The following RNGTT variants were observed in gnomAD, a reference collection of about 807,000 sequenced individuals.
RNGTT encodes the protein mRNA-capping enzyme.
RNGTT carries 33 observed loss-of-function variants against 79.3 expected under a neutral mutation model. That is an observed-to-expected ratio of 0.42 (90% CI 0.32 to 0.56). The LOEUF is 0.56. RNGTT is among the 20% of genes least tolerant of loss of function. The pLI, the probability that RNGTT is intolerant of heterozygous loss-of-function variation, is 0.17. For synonymous variants in RNGTT, 222 were observed against 235.9 expected, an observed-to-expected ratio of 0.94 and a Z score of 0.54; for missense variants, 497 against 739.1, an observed-to-expected ratio of 0.67 and a Z score of 3.80.
Position 88,879,262 on chromosome 6 carries a change from C to A in RNGTT, c.896+11233G>T, listed in dbSNP as rs1782618926. Among the ~76,000 whole-genome samples the A allele has an allele frequency of 2.6e-5, 4 of 152,102 alleles. No homozygotes were observed. The South Asian group carries it at 8.3e-4, about 31-fold the overall frequency. ...TGCAAAAAATAGACAGGTGTGGTGG[C>A]ATGCGCCTGTAGTCCCAGCTACTCA... On this transcript the variant is annotated intron_variant, in intron 8 of 15. Coordinates refer to ENST00000369485, the MANE Select transcript of RNGTT (RefSeq NM_003800.5).
At chr6:88,868,958 AAC>A (rs992091530) in intron 8 of RNGTT, among the ~76,000 whole-genome samples, 8 of 152,332 alleles carry the variant, frequency 5.3e-5, no homozygotes, top group Admixed American at 5.2e-4. Context: ...ATTTACTTTT[AAC>A]ACAGGCATTA....
In RNGTT at chr6:88,891,829, A is replaced by G; in HGVS notation, c.771T>C (p.Cys257=). ...ACCCTTCCCAGCCACAGAATTGATG[A>G]CACTTCTGCTGTACCTCTCCTAACT... ...QPKLGEVQQK[C]HQFCGWEGSG... is the part of the protein sequence containing the mutation. Residue 257 remains cysteine, a synonymous_variant, in exon 7 of 16, where the codon TGT becomes TGC. Coordinates refer to ENST00000369485, the MANE Select transcript of RNGTT (RefSeq NM_003800.5). The G allele has an allele frequency of 2.5e-6, 4 of 1,588,374 alleles. No homozygotes were observed. The highest frequency in any genetic ancestry group is 3.4e-6 in the Non-Finnish European group (4 of 1,167,958).
intron 6 of RNGTT, among the ~76,000 whole-genome samples, chr6:88,902,405 T>A (rs960882235): frequency 2.0e-5 from 3 of 151,920 alleles, no homozygotes; most frequent in African/African-American, 4.8e-5. Context: ...TTGAAGACTA[T>A]CCCTGCCAAA....
chr6:88,905,098 G>C lies in RNGTT; in HGVS notation c.444-143C>G, dbSNP rs988777209. On this transcript the variant is annotated intron_variant, in intron 5 of 15. Transcript: ENST00000369485. ...GGCAAATCACAATCCTCACCCTCAA[G>C]TCATTCAATCTATTAAGGGACACAT... is the stretch of plus-strand genomic sequence containing the variant. 3.1e-5 allele frequency: 31 copies of C among 996,948 alleles called. 1 individual carries two copies. In the South Asian group the frequency reaches 4.7e-4, roughly 15 times the overall value. 61.8% of individuals were successfully genotyped at this position (996,948 alleles called of 1,614,324 possible). A position where few individuals can be genotyped will look rare whatever the true frequency, so the allele number is the denominator to read the frequency against.
At chr6:88,960,603 A>AAAAAAGG (rs1423651951) in intron 1 of RNGTT, among the ~76,000 whole-genome samples, 1 of 151,692 alleles carries the variant, frequency 6.6e-6, no homozygotes, top group Non-Finnish European at 1.5e-5. Context: ...AAAGAAAAGA[A>AAAAAAGG]AAAAAGGAAA....
intron 11 of RNGTT, among the ~76,000 whole-genome samples, chr6:88,814,565 T>C (rs998408573): frequency 6.6e-5 from 10 of 152,200 alleles, no homozygotes; most frequent in Non-Finnish European, 1.5e-5. Flanking sequence ...CCTTTGTTCA[T>C]GCTATACTCT....
At chr6:88,878,573 CAT>C (rs1198134623) in intron 8 of RNGTT, among the ~76,000 whole-genome samples, 2 of 152,062 alleles carry the variant, frequency 1.3e-5, no homozygotes, top group Non-Finnish European at 2.9e-5. Flanking sequence ...CCTTCCCAGA[CAT>C]AACTTTATTT....
At chr6:88,819,938 C>T (rs1376068573) in intron 11 of RNGTT, among the ~76,000 whole-genome samples, 1 of 152,022 alleles carries the variant, frequency 6.6e-6, no homozygotes, top group African/African-American at 2.4e-5. Flanking sequence ...AAACATTTCA[C>T]GAACATTCTC....
At chr6:88,721,182 A>G (rs771635303) in intron 13 of RNGTT, among the ~76,000 whole-genome samples, 9 of 152,130 alleles carry the variant, frequency 5.9e-5, no homozygotes. Context: ...TGGTTTTAAC[A>G]CATATGAATT....
At position 88,771,350 on chromosome 6, in the gene RNGTT, TACACACAC is replaced by T. The variant is rs71021396; in HGVS notation, c.1339-1484_1339-1477del. The stretch of plus-strand genomic sequence containing the variant: ...ATATATATATATATATATATATATA[TACACACAC>T]ACACACACACACAATTTCTTTTCTC... On this transcript the variant is annotated intron_variant, in intron 12 of 15. Coordinates refer to ENST00000369485, the MANE Select transcript of RNGTT (RefSeq NM_003800.5). Among the ~76,000 whole-genome samples, 202 of 116,246 alleles carry T rather than the reference TACACACAC, an allele frequency of 1.7e-3. 2 individuals are homozygous for T. Among genetic ancestry groups the T allele is most frequent in the Middle Eastern group, 8.5e-3 (2 of 234 alleles). 76.3% of individuals were successfully genotyped at this position (116,246 alleles called of 152,430 possible).
chr6:88,917,305 T>C (rs1451408644), intron 4 of RNGTT, among the ~76,000 whole-genome samples: 3 of 152,158 alleles, frequency 2.0e-5, no homozygotes, highest in East Asian at 1.9e-4. Context: ...ACCTTAGTCA[T>C]TGAACAACTC....
intron 14 of RNGTT, among the ~76,000 whole-genome samples, chr6:88,633,282 T>C (rs1772974320): frequency 6.6e-6 from 1 of 152,082 alleles, no homozygotes; most frequent in African/African-American, 2.4e-5. Context: ...AAAAGCTTGA[T>C]GAACATTATA....
intron 14 of RNGTT, among the ~76,000 whole-genome samples, chr6:88,633,527 A>C (rs1772983283): frequency 6.6e-6 from 1 of 152,160 alleles, no homozygotes; most frequent in East Asian, 1.9e-4. Flanking sequence ...ACATCTTGGA[A>C]AGATGGTATG....
chr6:88,891,305 A>T (rs930279318), intron 7 of RNGTT, among the ~76,000 whole-genome samples: 7 of 152,146 alleles, frequency 4.6e-5, no homozygotes, highest in Middle Eastern at 3.2e-3. Context: ...ACAGATACCA[A>T]TGATCAGCAG....
chr6:88,885,764 A>C (rs558036772), intron 8 of RNGTT, among the ~76,000 whole-genome samples: 4 of 152,352 alleles, frequency 2.6e-5, no homozygotes, highest in Non-Finnish European at 4.4e-5. Flanking sequence ...ATAAACAGAA[A>C]TAACTTCATC....
chr6:88,655,889 T>A (rs1281343060), intron 14 of RNGTT, among the ~76,000 whole-genome samples: 1 of 152,206 alleles, frequency 6.6e-6, no homozygotes, highest in East Asian at 1.9e-4. Context: ...TTCTTGGTTT[T>A]TATGGATTCT....
chr6:88,730,214 C>T (rs1051421071), intron 13 of RNGTT, among the ~76,000 whole-genome samples: 4 of 152,198 alleles, frequency 2.6e-5, no homozygotes, highest in Non-Finnish European at 5.9e-5. Flanking sequence ...TACTTTTAAA[C>T]TTAACTTCCT....
At chr6:88,847,290 T>A (rs888918223) in intron 10 of RNGTT, among the ~76,000 whole-genome samples, 15 of 152,162 alleles carry the variant, frequency 9.9e-5, no homozygotes, top group African/African-American at 3.6e-4. Context: ...TATGTCTCAT[T>A]CATCTTTGTA....
intron 13 of RNGTT, among the ~76,000 whole-genome samples, chr6:88,748,874 G>C (rs1280029689): frequency 6.6e-6 from 1 of 150,910 alleles, no homozygotes. Flanking sequence ...TTCCAGTTGG[G>C]GAAAAAAAAA....
Sources: gnomAD v4.1 joint callset for allele counts (sites outside exome capture counted in the v4.1 genomes callset) on GRCh38, gnomAD v4.1.1 for gene constraint, MANE v1.5 for transcripts, NCBI Gene and HGNC (gene_info 2026-07-23, HGNC 2026-07-21) for gene names.